The following GABBR2 variants were observed in gnomAD, a reference collection of about 807,000 sequenced individuals.
The protein encoded by GABBR2 is gamma-aminobutyric acid type B receptor subunit 2.
In GABBR2, 23 loss-of-function variants were observed where a neutral mutation model predicts 105.6. The observed-to-expected ratio is 0.22, with a 90% CI of 0.16 to 0.31. The LOEUF is 0.31. GABBR2 is among the 10% of genes least tolerant of loss of function. The pLI, the probability that GABBR2 is intolerant of heterozygous loss-of-function variation, is 1.00. For synonymous variants in GABBR2, 478 were observed against 499.7 expected (o/e 0.96, Z 0.58); for missense variants, 734 against 1,245.5 (o/e 0.59, Z 6.18).
intron 13 of GABBR2, among the ~76,000 whole-genome samples, chr9:98,313,342 C>T (rs966209074): frequency 6.6e-6 from 1 of 152,152 alleles, no homozygotes; most frequent in Non-Finnish European, 1.5e-5. Context: ...ACTTGATGGT[C>T]TCACTGTTCC....
intron 7 of GABBR2, among the ~76,000 whole-genome samples, chr9:98,410,616 G>T (rs1032166897): frequency 1.1e-4 from 16 of 151,284 alleles, no homozygotes; most frequent in African/African-American, 2.7e-4. Context: ...CCGTTGGAGT[G>T]TGGGGGCCCC....
chr9:98,665,124 C>T (rs1300508238), intron 1 of GABBR2, among the ~76,000 whole-genome samples: 1 of 152,028 alleles, frequency 6.6e-6, no homozygotes, highest in Non-Finnish European at 1.5e-5. Context: ...TAAAAATTAG[C>T]CCAGTGTGGT....
intron 11 of GABBR2, among the ~76,000 whole-genome samples, chr9:98,377,248 AG>A (rs1211241893): frequency 7.2e-6 from 1 of 139,164 alleles, no homozygotes; most frequent in Non-Finnish European, 1.6e-5. Context: ...TGTGGTGGGG[AG>A]GGGGCTGCTG....
intron 3 of GABBR2, among the ~76,000 whole-genome samples, chr9:98,498,867 T>C (rs1827340706): frequency 6.6e-6 from 1 of 152,246 alleles, no homozygotes; most frequent in Non-Finnish European, 1.5e-5. Context: ...CACGAGGTGT[T>C]GTGGAACAAC....
At chr9:98,476,295 A>G (rs1186532586) in intron 5 of GABBR2, among the ~76,000 whole-genome samples, 14 of 152,186 alleles carry the variant, frequency 9.2e-5, no homozygotes, top group Admixed American at 9.2e-4. Flanking sequence ...TTTCCAGAAA[A>G]CAGAAGCTTA....
chr9:98,607,173 C>T, intron 1 of GABBR2: 1 of 1,609,388 alleles, frequency 6.2e-7, no homozygotes, highest in East Asian at 2.2e-5. Flanking sequence ...GTTGATACCC[C>T]AGGATTTGGA....
intron 7 of GABBR2, among the ~76,000 whole-genome samples, chr9:98,452,096 G>A (rs1157261672): frequency 2.0e-5 from 3 of 152,148 alleles, no homozygotes; most frequent in African/African-American, 7.2e-5. Context: ...CTAGGACAGG[G>A]AGCCCATCTT....
intron 1 of GABBR2, among the ~76,000 whole-genome samples, chr9:98,690,632 A>G (rs1177957942): frequency 6.6e-6 from 1 of 152,186 alleles, no homozygotes; most frequent in Non-Finnish European, 1.5e-5. Flanking sequence ...AACCAAGACC[A>G]TGATCCTCTC....
rs1340161730 is a variant in GABBR2, at chr9:98,708,833, A to C, written c.-96T>G. On this transcript the variant is annotated 5_prime_UTR_variant, in exon 1 of 19. Coordinates refer to ENST00000259455, the MANE Select transcript of GABBR2 (RefSeq NM_005458.8). The stretch of plus-strand genomic sequence containing the variant: ...AAGGTCTTCCCGCGGCGCCCGCGCA[A>C]TGGCGCCGGCCCGGGCCCCGGCTCC... The C allele has an allele frequency of 2.9e-6, 2 of 683,472 alleles. No homozygotes were observed. Among genetic ancestry groups the C allele is most frequent in the Non-Finnish European group, 3.6e-6 (2 of 556,356 alleles). The allele number at this position is 683,472 out of a possible 1,614,324, so 42.3% of individuals were successfully genotyped here. A position where few individuals can be genotyped will look rare whatever the true frequency, so the allele number is the denominator to read the frequency against.
intron 1 of GABBR2, among the ~76,000 whole-genome samples, chr9:98,626,173 T>C (rs115533196): frequency 7.1e-4 from 108 of 152,352 alleles, no homozygotes; most frequent in African/African-American, 2.5e-3. Flanking sequence ...ATTTCATTTA[T>C]AGGAAACGTC....
chr9:98,377,959 C>T (rs1257057417), intron 11 of GABBR2, among the ~76,000 whole-genome samples: 1 of 152,186 alleles, frequency 6.6e-6, no homozygotes, highest in Non-Finnish European at 1.5e-5. Flanking sequence ...CTGCTGCCTT[C>T]TGAAATCACA....
chr9:98,514,414 A>C (rs1437642883), intron 3 of GABBR2, among the ~76,000 whole-genome samples: 1 of 90,376 alleles, frequency 1.1e-5, no homozygotes, highest in Non-Finnish European at 2.8e-5. Flanking sequence ...TAATAATAAT[A>C]ATAATAATAA....
At chr9:98,537,608 A>ATT (rs35175650) in intron 3 of GABBR2, among the ~76,000 whole-genome samples, 2 of 150,740 alleles carry the variant, frequency 1.3e-5, no homozygotes, top group Non-Finnish European at 3.0e-5. Flanking sequence ...TAATTTTTGT[A>ATT]TTTTTTTTTG....
chr9:98,355,596 T>C (rs948186613), intron 13 of GABBR2, among the ~76,000 whole-genome samples: 1 of 152,130 alleles, frequency 6.6e-6, no homozygotes, highest in African/African-American at 2.4e-5. Context: ...AATGGAGAAA[T>C]ATTTCACGTT....
chr9:98,692,318 C>A (rs1830691870), intron 1 of GABBR2, among the ~76,000 whole-genome samples: 1 of 152,214 alleles, frequency 6.6e-6, no homozygotes, highest in Non-Finnish European at 1.5e-5. Flanking sequence ...CCCTGTGTGG[C>A]AAGCTGTGGT....
At chr9:98,411,786 G>A (rs915499804) in intron 7 of GABBR2, among the ~76,000 whole-genome samples, 2 of 152,098 alleles carry the variant, frequency 1.3e-5, no homozygotes, top group Admixed American at 1.3e-4. Flanking sequence ...GCCCAAGCAG[G>A]TCTCAAACTC....
intron 1 of GABBR2, among the ~76,000 whole-genome samples, chr9:98,684,712 G>A (rs1159856117): frequency 3.9e-5 from 6 of 152,192 alleles, no homozygotes; most frequent in Non-Finnish European, 7.3e-5. Flanking sequence ...ATACTCTACT[G>A]TAACATTTCC....
At chr9:98,465,687 TAAG>T (rs1826536454) in intron 6 of GABBR2, among the ~76,000 whole-genome samples, 1 of 152,200 alleles carries the variant, frequency 6.6e-6, no homozygotes, top group Non-Finnish European at 1.5e-5. Flanking sequence ...GATGACTGAA[TAAG>T]AAGAGAAAAA....
chr9:98,393,546 C>A lies in GABBR2; in HGVS notation c.1378+629G>T, dbSNP rs1832233890. On this transcript the variant is annotated intron_variant, in intron 9 of 18. Coordinates refer to ENST00000259455, the MANE Select transcript of GABBR2 (RefSeq NM_005458.8). ...GATCAATTCATTTTGTCATTAAATA[C>A]CACCAAGTCTCCAACATGCATCAGA... is the stretch of plus-strand genomic sequence containing the variant. 2.0e-5 allele frequency among the ~76,000 whole-genome samples: 3 copies of A among 152,204 alleles called. No homozygotes were observed. In the South Asian group the frequency reaches 6.2e-4, roughly 32 times the overall value.
Sources: gnomAD v4.1 joint callset for allele counts (sites outside exome capture counted in the v4.1 genomes callset) on GRCh38, gnomAD v4.1.1 for gene constraint, MANE v1.5 for transcripts, NCBI Gene and HGNC (gene_info 2026-07-23, HGNC 2026-07-21) for gene names.